Variants in XDH observed in about 807,000 individuals in gnomAD.
XDH encodes the protein xanthine dehydrogenase.
Under a neutral mutation model 156.1 loss-of-function variants are expected in XDH, and 138 were observed. The ratio of observed to expected loss-of-function variants is 0.88; its 90% CI spans 0.77 to 1.02. XDH has a LOEUF of 1.02. Ranked by LOEUF, XDH falls within the 50% of genes least tolerant of loss-of-function variation. XDH has a pLI of 0.00. For missense variants in XDH, 1,849 were observed against 1,684.9 expected, an observed-to-expected ratio of 1.10 and a Z score of -1.71; for synonymous variants, 669 against 625.7, an observed-to-expected ratio of 1.07 and a Z score of -1.03.
intron 2 of XDH, among the ~76,000 whole-genome samples, chr2:31,404,503 A>T (rs1662209226): frequency 6.6e-6 from 1 of 152,194 alleles, no homozygotes; most frequent in South Asian, 2.1e-4. Context: ...GCCAACTTTC[A>T]GTTTTGCATT....
rs1332438504 is a variant in XDH, at chr2:31,405,961, C to A, written c.46G>T (p.Val16Leu). The change falls in exon 2 of 36, where the codon GTG becomes TTG. Residue 16 changes from valine to leucine, a missense_variant. Transcript: ENST00000379416. ...LVFFVNGRKV[V>L]EKNADPETTL... ...GTCTCTGGATCTGCATTTTTCTCCA[C>A]CACCTATTAAAATAAATGAAAGAAA... 2 of 1,614,000 alleles carry A rather than the reference C, an allele frequency of 1.2e-6. No individual in the cohort carries two copies. The highest frequency in any genetic ancestry group is 2.7e-5 in the African/African-American group (2 of 74,912).
chr2:31,404,150 C>A (rs1311143108), intron 2 of XDH, among the ~76,000 whole-genome samples: 1 of 151,810 alleles, frequency 6.6e-6, no homozygotes, highest in Non-Finnish European at 1.5e-5. Context: ...AACACGTTAC[C>A]CTGCCGGTGT....
At chr2:31,349,622 C>A in intron 26 of XDH, 64 bp downstream of exon 26, 1 of 1,580,296 alleles carries the variant, frequency 6.3e-7, no homozygotes, top group Non-Finnish European at 8.7e-7. Context: ...TATATGGGGT[C>A]AGCAGAAAGG....
At chr2:31,345,015 T>C (rs920732711) in intron 30 of XDH, among the ~76,000 whole-genome samples, 2 of 152,282 alleles carry the variant, frequency 1.3e-5, no homozygotes, top group Admixed American at 1.3e-4. Context: ...TACCACACTG[T>C]GCATGTCACT....
chr2:31,405,104 A>G (rs1410527906), intron 2 of XDH, among the ~76,000 whole-genome samples: 3 of 152,156 alleles, frequency 2.0e-5, no homozygotes, highest in Non-Finnish European at 4.4e-5. Flanking sequence ...TTTCCCCAGA[A>G]CACACTAGCA....
rs754549622 is a variant in XDH, at chr2:31,381,685, G to A, written c.1080C>T (p.Asp360=). The A allele has an allele frequency of 9.9e-6, 16 of 1,613,972 alleles. No homozygotes were observed. In the South Asian group the frequency reaches 1.3e-4, roughly 13 times the overall value. ...GNIITASPIS[D]LNPVFMASGA... ...CACTGGCCATGAACACGGGGTTGAG[G>A]TCGGAGATGGGGCTGGCAGTGATGA... The change falls in exon 12 of 36, where the codon GAC becomes GAT. Residue 360 remains aspartate, a synonymous_variant. Coordinates refer to ENST00000379416, the MANE Select transcript of XDH (RefSeq NM_000379.4).
At chr2:31,401,074 G>T (rs1450475695) in intron 4 of XDH, 146 bp downstream of exon 4, 21 of 852,524 alleles carry the variant, frequency 2.5e-5, no homozygotes, top group Non-Finnish European at 3.6e-5. Flanking sequence ...AGAGGAGATG[G>T]GGAGGTGGCC....
At chr2:31,375,632 C>A in intron 14 of XDH, 78 bp from the exon 15 acceptor site, 1 of 1,521,604 alleles carries the variant, frequency 6.6e-7, no homozygotes, top group Non-Finnish European at 8.9e-7. Context: ...GTGCCCAGGG[C>A]CTCGGAGCTG....
chr2:31,338,157 C>A (rs78790835), intron 34 of XDH, among the ~76,000 whole-genome samples: 281 of 152,294 alleles, frequency 1.8e-3, no homozygotes, highest in African/African-American at 5.5e-3. Context: ...TGAGTTTTAA[C>A]CTTTTCCTCA....
intron 3 of XDH, among the ~76,000 whole-genome samples, chr2:31,402,129 A>T (rs1687074878): frequency 6.6e-6 from 1 of 152,224 alleles, no homozygotes; most frequent in Non-Finnish European, 1.5e-5. Flanking sequence ...GCAGAGTCTT[A>T]ACTTGAGCTA....
chr2:31,386,820 T>C (rs1488638556), intron 8 of XDH, among the ~76,000 whole-genome samples: 1 of 150,650 alleles, frequency 6.6e-6, no homozygotes, highest in Non-Finnish European at 1.5e-5. Context: ...TGGGACCTGC[T>C]GAAGGTCACC....
intron 24 of XDH, among the ~76,000 whole-genome samples, chr2:31,352,896 T>TTC (rs966841769): frequency 4.0e-5 from 6 of 151,546 alleles, no homozygotes; most frequent in Non-Finnish European, 7.4e-5. Context: ...TTTTTTTTTT[T>TTC]TTTTCAAAGA....
At chr2:31,364,636 C>A (rs1685861513) in intron 23 of XDH, among the ~76,000 whole-genome samples, 1 of 152,074 alleles carries the variant, frequency 6.6e-6, no homozygotes. Flanking sequence ...AGATTTTGGT[C>A]AGAAGACACA....
intron 6 of XDH, among the ~76,000 whole-genome samples, chr2:31,393,941 C>A (rs1686837956): frequency 6.6e-6 from 1 of 151,788 alleles, no homozygotes; most frequent in South Asian, 2.1e-4. Flanking sequence ...ATTTTTCCCT[C>A]TTGTTTATTT....
Position 31,335,535 on chromosome 2 carries a change from C to T in XDH, c.*423G>A. 1 of 277,684 alleles carries T rather than the reference C, an allele frequency of 3.6e-6. No individual in the cohort carries two copies. Among genetic ancestry groups the T allele is most frequent in the Non-Finnish European group, 7.0e-6 (1 of 142,964 alleles). 17.2% of individuals were successfully genotyped at this position (277,684 alleles called of 1,614,324 possible). ...GCTGTTCATTGGTTTGAAGGCCAGG[C>T]TTTCACAGGAAGGCACACGATTTAA... On this transcript the variant is annotated 3_prime_UTR_variant, in exon 36 of 36. Coordinates refer to ENST00000379416, the MANE Select transcript of XDH (RefSeq NM_000379.4).
At chr2:31,342,093 G>C (rs1685138194) in intron 32 of XDH, 90 bp downstream of exon 32, 4 of 1,221,524 alleles carry the variant, frequency 3.3e-6, no homozygotes, top group Admixed American at 1.8e-5. Flanking sequence ...TTTCCAACCA[G>C]AAATCTTGTC....
At chr2:31,337,948 G>C in intron 34 of XDH, 131 bp from the exon 35 acceptor site, 1 of 909,460 alleles carries the variant, frequency 1.1e-6, no homozygotes, top group Non-Finnish European at 1.7e-6. Flanking sequence ...AGCACTGATG[G>C]GAGCCACACC....
chr2:31,367,544 C>T (rs978837048), intron 20 of XDH, among the ~76,000 whole-genome samples: 1 of 152,038 alleles, frequency 6.6e-6, no homozygotes, highest in African/African-American at 2.4e-5. Context: ...GTGTCAGAGA[C>T]AGAGGTGGAG....
chr2:31,375,584 T>C, intron 14 of XDH, 30 bp from the exon 15 acceptor site: 1 of 1,608,464 alleles, frequency 6.2e-7, no homozygotes, highest in East Asian at 2.2e-5. Flanking sequence ...GGGACAGCGC[T>C]CCCGCCCAGC....
Sources: gnomAD v4.1 joint callset for allele counts (sites outside exome capture counted in the v4.1 genomes callset) on GRCh38, gnomAD v4.1.1 for gene constraint, MANE v1.5 for transcripts, NCBI Gene and HGNC (gene_info 2026-07-23, HGNC 2026-07-21) for gene names.